Variants in GABRA1 observed in about 807,000 individuals in gnomAD.
GABRA1 encodes gamma-aminobutyric acid type A receptor subunit alpha1, also known as gamma-aminobutyric acid receptor subunit alpha-1.
GABRA1 carries 9 observed loss-of-function variants against 48.9 expected under a neutral mutation model. The observed-to-expected ratio is 0.18, with a 90% CI of 0.11 to 0.32. GABRA1 has a LOEUF of 0.32. GABRA1 is among the 10% of genes least tolerant of loss of function. The probability of loss-of-function intolerance (pLI) is 1.00; values close to 1 mark genes in which losing one functional copy is unlikely to be tolerated. For missense variants in GABRA1, 285 were observed against 553.8 expected (o/e 0.51, Z 4.87); for synonymous variants, 210 against 198.7 (o/e 1.06, Z -0.48).
intron 4 of GABRA1, among the ~76,000 whole-genome samples, chr5:161,867,340 C>T (rs1753913012): frequency 6.6e-6 from 1 of 152,096 alleles, no homozygotes; most frequent in Non-Finnish European, 1.5e-5. Context: ...CCTGTATTCC[C>T]ATAAATGATT....
intron 3 of GABRA1, among the ~76,000 whole-genome samples, chr5:161,865,001 A>G (rs1432290647): frequency 2.0e-5 from 3 of 151,980 alleles, no homozygotes; most frequent in Non-Finnish European, 1.5e-5. Context: ...GGAGAATGGC[A>G]GTATTTCTCT....
At chr5:161,884,923 G>A (rs1241564684) in intron 7 of GABRA1, among the ~76,000 whole-genome samples, 1 of 152,080 alleles carries the variant, frequency 6.6e-6, no homozygotes, top group East Asian at 1.9e-4. Context: ...TGGCTTTCAA[G>A]GGATTCAACC....
chr5:161,850,520 A>G, intron 1 of GABRA1: 1 of 525,968 alleles, frequency 1.9e-6, no homozygotes, highest in Non-Finnish European at 3.3e-6. Flanking sequence ...AACAACTCAC[A>G]GTTTTTATGT....
intron 7 of GABRA1, 148 bp downstream of exon 7, chr5:161,882,849 C>T (rs926652505): frequency 3.5e-5 from 28 of 794,250 alleles, no homozygotes; most frequent in African/African-American, 6.8e-5. Flanking sequence ...AATGTAAACT[C>T]GGTAGACCTG....
At chr5:161,887,457 CT>C (rs1754900211) in intron 7 of GABRA1, among the ~76,000 whole-genome samples, 1 of 151,924 alleles carries the variant, frequency 6.6e-6, no homozygotes, top group African/African-American at 2.4e-5. Flanking sequence ...AAAAAAAAGA[CT>C]TCTGTGGTCA....
At chr5:161,850,696 G>C (rs1294585190) in intron 1 of GABRA1, 100 bp from the exon 2 acceptor site, 1 of 939,752 alleles carries the variant, frequency 1.1e-6, no homozygotes, top group Non-Finnish European at 1.8e-6. Flanking sequence ...GTCATTTCCT[G>C]ACTTCAAAGC....
chr5:161,892,759 C>T (rs1189293580), intron 8 of GABRA1, among the ~76,000 whole-genome samples: 1 of 152,120 alleles, frequency 6.6e-6, no homozygotes, highest in Non-Finnish European at 1.5e-5. Context: ...AATCCCAGCA[C>T]TTTGGGAGGC....
chr5:161,882,729 T>C (rs774783637), intron 7 of GABRA1, 28 bp downstream of exon 7: 7 of 1,597,094 alleles, frequency 4.4e-6, no homozygotes, highest in East Asian at 2.2e-5. Context: ...ACTTCAGTTA[T>C]GGAGGAAGAA....
chr5:161,887,572 A>G (rs2113434057), intron 7 of GABRA1, among the ~76,000 whole-genome samples: 1 of 152,306 alleles, frequency 6.6e-6, no homozygotes, highest in Non-Finnish European at 1.5e-5. Flanking sequence ...GAATCTCTGA[A>G]GCAATTAAAA....
intron 2 of GABRA1, among the ~76,000 whole-genome samples, chr5:161,851,169 G>A (rs1039033997): frequency 2.0e-5 from 3 of 152,116 alleles, no homozygotes; most frequent in African/African-American, 7.2e-5. Flanking sequence ...AACAAAACGT[G>A]CGGTTTCCTA....
At chr5:161,852,968 C>A (rs144270405) in intron 2 of GABRA1, among the ~76,000 whole-genome samples, 20 of 151,968 alleles carry the variant, frequency 1.3e-4, no homozygotes, top group African/African-American at 4.6e-4. Flanking sequence ...TTATCAGTAA[C>A]ATCAACACAC....
intron 3 of GABRA1, among the ~76,000 whole-genome samples, chr5:161,865,510 A>C (rs1449397234): frequency 6.6e-6 from 1 of 152,144 alleles, no homozygotes; most frequent in Non-Finnish European, 1.5e-5. Context: ...CTGCCTCCCA[A>C]AGTGGCATAT....
intron 5 of GABRA1, among the ~76,000 whole-genome samples, chr5:161,873,791 C>T (rs1298339052): frequency 6.6e-6 from 1 of 152,080 alleles, no homozygotes; most frequent in Non-Finnish European, 1.5e-5. Context: ...TATTTGAATT[C>T]ACAATGGCGT....
intron 8 of GABRA1, among the ~76,000 whole-genome samples, chr5:161,893,048 T>TAATAATATAAAA (rs5872733): frequency 7.0e-6 from 1 of 141,994 alleles, no homozygotes; most frequent in East Asian, 2.0e-4. Flanking sequence ...ATAATAATAA[T>TAATAATATAAAA]AAAATAAACA....
At chr5:161,867,928 G>T (rs1753943228) in intron 4 of GABRA1, among the ~76,000 whole-genome samples, 1 of 151,634 alleles carries the variant, frequency 6.6e-6, no homozygotes, top group Admixed American at 6.6e-5. Context: ...TTCTTAAATT[G>T]TTGCCAAACC....
Position 161,890,971 on chromosome 5 carries a change from G to A in GABRA1, c.777G>A (p.Leu259=). ...GCTACTTTGTTATTCAAACATACCTGCCATGCATAATGACAGTGATTCTCT... is the reference window on the plus strand; with the variant it reads ...GCTACTTTGTTATTCAAACATACCTACCATGCATAATGACAGTGATTCTCT... ...KIGYFVIQTY[L]PCIMTVILSQ... The change falls in exon 8 of 10, where the codon CTG becomes CTA. Residue 259 remains leucine, a synonymous_variant. Transcript: ENST00000393943. The A allele has an allele frequency of 6.2e-7, 1 of 1,613,236 alleles. No homozygotes were observed. Among genetic ancestry groups the A allele is most frequent in the African/African-American group, 1.3e-5 (1 of 75,008 alleles).
intron 1 of GABRA1, 45 bp from the exon 2 acceptor site, chr5:161,850,751 T>C: frequency 6.6e-7 from 1 of 1,509,138 alleles, no homozygotes; most frequent in Non-Finnish European, 9.2e-7. Flanking sequence ...TATAACCTGA[T>C]GTTTCTTGCT....
intron 8 of GABRA1, among the ~76,000 whole-genome samples, chr5:161,892,004 A>C (rs1305097014): frequency 1.3e-5 from 2 of 152,248 alleles, no homozygotes; most frequent in Non-Finnish European, 2.9e-5. Flanking sequence ...CAACAGATTA[A>C]GTAATCTGCC....
intron 4 of GABRA1, among the ~76,000 whole-genome samples, chr5:161,867,753 C>T (rs959213141): frequency 1.3e-5 from 2 of 152,014 alleles, no homozygotes; most frequent in African/African-American, 4.8e-5. Flanking sequence ...AAATCAAGAC[C>T]CAAACGCTTT....
Sources: allele counts gnomAD v4.1 joint callset (sites outside exome capture counted in the v4.1 genomes callset), GRCh38; gene constraint gnomAD v4.1.1; transcripts MANE v1.5; gene names NCBI Gene and HGNC (gene_info 2026-07-23, HGNC 2026-07-21).